NELL2: variants seen among roughly 807,000 people sequenced by gnomAD.
The protein encoded by NELL2 is neural EGFL like 2.
A neutral mutation model predicts 109.6 loss-of-function variants in NELL2; 41 were observed. That is an observed-to-expected ratio of 0.37 (90% CI 0.29 to 0.49). The LOEUF (loss-of-function observed/expected upper bound fraction) is 0.49, where lower values mean the gene tolerates loss of function less well. NELL2 is among the 20% of genes least tolerant of loss of function. NELL2 has a pLI of 0.98. For synonymous variants in NELL2, 355 were observed against 344.7 expected (o/e 1.03, Z -0.33); for missense variants, 900 against 1,008.3 (o/e 0.89, Z 1.45).
intron 13 of NELL2, among the ~76,000 whole-genome samples, chr12:44,622,938 A>G (rs1023477791): frequency 6.6e-6 from 1 of 152,174 alleles, no homozygotes; most frequent in Non-Finnish European, 1.5e-5. Flanking sequence ...AACAGGAAGA[A>G]GCATATAAAA....
chr12:44,722,003 C>T (rs566051414), intron 9 of NELL2, among the ~76,000 whole-genome samples: 1 of 151,682 alleles, frequency 6.6e-6, no homozygotes, highest in South Asian at 2.1e-4. Flanking sequence ...GAAGGAATGG[C>T]ACAAAGAGGA....
Position 44,876,091 on chromosome 12 carries a change from A to C in NELL2, c.-222T>G. On this transcript the variant is annotated 5_prime_UTR_variant, in exon 1 of 20. Transcript: ENST00000429094. ...CCTCCAATGCGCACATCATTCCCAC[A>C]CGCAGGGCCGAGGCGGCAGCGCGGC... is the stretch of plus-strand genomic sequence containing the variant. The C allele has an allele frequency of 3.9e-5, 52 of 1,320,974 alleles. No homozygotes were observed. Among genetic ancestry groups the C allele is most frequent in the Middle Eastern group, 3.0e-4 (1 of 3,366 alleles). 81.8% of individuals were successfully genotyped at this position (1,320,974 alleles called of 1,614,324 possible). A position where few individuals can be genotyped will look rare whatever the true frequency, so the allele number is the denominator to read the frequency against.
intron 1 of NELL2, among the ~76,000 whole-genome samples, chr12:44,882,285 A>G (rs1458913950): frequency 6.6e-6 from 1 of 151,766 alleles, no homozygotes; most frequent in East Asian, 1.9e-4. Context: ...TGCTGCGGTA[A>G]CAAATTACCA....
rs1755043942 is a variant in NELL2 at position 44,508,787 on chromosome 12, A to G, written c.*147T>C. The G allele has an allele frequency of 1.4e-6, 1 of 691,046 alleles. No homozygotes were observed. Among genetic ancestry groups the G allele is most frequent in the Non-Finnish European group, 2.5e-6 (1 of 405,498 alleles). 42.8% of individuals were successfully genotyped at this position (691,046 alleles called of 1,614,324 possible). A position where few individuals can be genotyped will look rare whatever the true frequency, so the allele number is the denominator to read the frequency against. Reference sequence around the variant, plus strand: ...TCCTTTTGTGATTTTGTCAAGCTCCACAAATTTCATAATTGAAAGTTCACT... The same window carrying G: ...TCCTTTTGTGATTTTGTCAAGCTCCGCAAATTTCATAATTGAAAGTTCACT... On this transcript the variant is annotated 3_prime_UTR_variant, in exon 20 of 20. Transcript: ENST00000429094.
chr12:44,780,665 T>C (rs962662469), intron 3 of NELL2, among the ~76,000 whole-genome samples: 2 of 151,960 alleles, frequency 1.3e-5, no homozygotes, highest in Non-Finnish European at 2.9e-5. Flanking sequence ...GAAGCACACT[T>C]CCCTTTCCCC....
chr12:44,818,614 GTT>G (rs1943432087), intron 2 of NELL2, among the ~76,000 whole-genome samples: 1 of 150,766 alleles, frequency 6.6e-6, no homozygotes, highest in Non-Finnish European at 1.5e-5. Flanking sequence ...TTCTTAGGCT[GTT>G]TTGTTGTTTG....
At chr12:44,741,512 T>C (rs2136498306) in intron 9 of NELL2, among the ~76,000 whole-genome samples, 1 of 152,298 alleles carries the variant, frequency 6.6e-6, no homozygotes, top group Admixed American at 6.5e-5. Context: ...AGGCATCGCC[T>C]CACCCGGGAA....
intron 12 of NELL2, among the ~76,000 whole-genome samples, chr12:44,703,254 C>T (rs1937655917): frequency 6.6e-6 from 1 of 152,142 alleles, no homozygotes; most frequent in African/African-American, 2.4e-5. Flanking sequence ...TGATTTACTC[C>T]ACTGGAGCTA....
rs551743771 is a variant in NELL2, at chr12:44,692,174, C to T, written c.1318+11552G>A. 9.3e-4 allele frequency among the ~76,000 whole-genome samples: 142 copies of T among 152,214 alleles called. 1 individual carries two copies. In the Middle Eastern group the frequency reaches 0.014, roughly 15 times the overall value. On this transcript the variant is annotated intron_variant, in intron 12 of 19. Coordinates refer to ENST00000429094, the MANE Select transcript of NELL2 (RefSeq NM_001145108.2). Reference sequence around the variant, plus strand: ...TTAGGGGCTAACGCAGTTGTGGTGACGTTAAGTTGAAGCCATTGCTCATTG... The same window carrying T: ...TTAGGGGCTAACGCAGTTGTGGTGATGTTAAGTTGAAGCCATTGCTCATTG...
intron 2 of NELL2, among the ~76,000 whole-genome samples, chr12:44,827,797 A>G (rs1009138893): frequency 4.6e-5 from 7 of 152,164 alleles, no homozygotes; most frequent in Admixed American, 4.6e-4. Context: ...TCTCTTTGAT[A>G]TACTGACTTC....
chr12:44,862,056 GC>G (rs1944858492), intron 2 of NELL2, among the ~76,000 whole-genome samples: 1 of 152,108 alleles, frequency 6.6e-6, no homozygotes, highest in Non-Finnish European at 1.5e-5. Context: ...TCATGACAAA[GC>G]ATCCAAAACA....
rs555572138 is a variant in NELL2, at chr12:44,820,233, C to G, written c.185-4097G>C. On this transcript the variant is annotated intron_variant, in intron 2 of 19. Transcript: ENST00000429094. ...TTTCAAGAATTCATTATGTCCAAGT[C>G]CAGGAAGGACTTGATGAGGGCCTAA... Among the ~76,000 whole-genome samples the G allele has an allele frequency of 2.6e-5, 4 of 152,228 alleles. No homozygotes were observed. In the East Asian group the frequency reaches 7.7e-4, roughly 29 times the overall value.
intron 2 of NELL2, among the ~76,000 whole-genome samples, chr12:44,848,118 A>G (rs548661217): frequency 6.6e-6 from 1 of 152,138 alleles, no homozygotes; most frequent in South Asian, 2.1e-4. Context: ...TGCAGTGTAT[A>G]AACTTAGGGC....
intron 9 of NELL2, among the ~76,000 whole-genome samples, chr12:44,760,596 G>T (rs1187521371): frequency 6.6e-6 from 1 of 152,026 alleles, no homozygotes; most frequent in Non-Finnish European, 1.5e-5. Context: ...TCAAATACAT[G>T]TAAATATGTA....
chr12:44,682,907 T>G (rs1488939445), intron 12 of NELL2, among the ~76,000 whole-genome samples: 1 of 152,208 alleles, frequency 6.6e-6, no homozygotes, highest in Admixed American at 6.5e-5. Flanking sequence ...TGCAGGCTCT[T>G]TTTTGGTTCC....
rs577906165 is a variant in NELL2, at chr12:44,693,784, A to G, written c.1318+9942T>C. The stretch of plus-strand genomic sequence containing the variant: ...TATGTCACTTAGTAGGGATTTTCAG[A>G]ACTTCCATAACAAAATTCTTTAATT... On this transcript the variant is annotated intron_variant, in intron 12 of 19. Coordinates refer to ENST00000429094, the MANE Select transcript of NELL2 (RefSeq NM_001145108.2). Among the ~76,000 whole-genome samples, 4 of 152,334 alleles carry G rather than the reference A, an allele frequency of 2.6e-5. No individual in the cohort carries two copies. In the South Asian group the frequency reaches 8.3e-4, roughly 32 times the overall value.
At chr12:44,742,937 G>A (rs142390918) in intron 9 of NELL2, among the ~76,000 whole-genome samples, 33 of 152,068 alleles carry the variant, frequency 2.2e-4, no homozygotes, top group African/African-American at 7.0e-4. Flanking sequence ...TTCAGATTCA[G>A]GAAATATAGA....
intron 9 of NELL2, among the ~76,000 whole-genome samples, chr12:44,724,893 C>G (rs142011641): frequency 1.2e-4 from 17 of 147,570 alleles, no homozygotes; most frequent in Non-Finnish European, 2.4e-4. Flanking sequence ...AAAACCAAAA[C>G]AGCATGGTAC....
At chr12:44,746,029 G>A (rs146705810) in intron 9 of NELL2, among the ~76,000 whole-genome samples, 9 of 151,982 alleles carry the variant, frequency 5.9e-5, no homozygotes, top group South Asian at 4.2e-4. Context: ...GAGGCATCAC[G>A]CTACCTGACT....
Sources: allele counts gnomAD v4.1 joint callset (sites outside exome capture counted in the v4.1 genomes callset), GRCh38; gene constraint gnomAD v4.1.1; transcripts MANE v1.5; gene names NCBI Gene and HGNC (gene_info 2026-07-23, HGNC 2026-07-21).